Variants in TAF2 observed in about 807,000 individuals in gnomAD.
TAF2 encodes transcription initiation factor TFIID subunit 2.
A neutral mutation model predicts 138.5 loss-of-function variants in TAF2; 61 were observed. That is an observed-to-expected ratio of 0.44 (90% CI 0.36 to 0.54). The LOEUF (loss-of-function observed/expected upper bound fraction) is 0.54. TAF2 is among the 20% of genes least tolerant of loss of function. The pLI, the probability that TAF2 is intolerant of heterozygous loss-of-function variation, is 0.00. For missense variants in TAF2, 1,090 were observed against 1,427.9 expected (o/e 0.76, Z 3.81); for synonymous variants, 475 against 469.9 (o/e 1.01, Z -0.14).
intron 2 of TAF2, among the ~76,000 whole-genome samples, chr8:119,821,736 G>A (rs1825816386): frequency 6.6e-6 from 1 of 152,130 alleles, no homozygotes; most frequent in Admixed American, 6.5e-5. Context: ...TGGCCTATTA[G>A]TGTTATTATG....
intron 10 of TAF2, 161 bp from the exon 11 acceptor site, chr8:119,791,620 A>G: frequency 1.3e-6 from 1 of 767,674 alleles, no homozygotes; most frequent in Non-Finnish European, 2.0e-6. Context: ...TAACTAGAAG[A>G]AAATTATGAA....
intron 25 of TAF2, among the ~76,000 whole-genome samples, chr8:119,736,184 A>G (rs532678694): frequency 1.3e-5 from 2 of 152,354 alleles, no homozygotes; most frequent in East Asian, 3.9e-4. Context: ...AACCACTTCA[A>G]AAGTGAATCC....
intron 10 of TAF2, chr8:119,791,700 T>C (rs1187261530): frequency 9.3e-6 from 4 of 431,010 alleles, no homozygotes; most frequent in African/African-American, 2.0e-5. Flanking sequence ...GATGGGAAGA[T>C]ACAATACTGT....
In TAF2 at chr8:119,807,243, T is replaced by C. The variant is rs575841049; in HGVS notation, c.300-842A>G. On this transcript the variant is annotated intron_variant, in intron 3 of 25. Transcript: ENST00000378164. ...AGCAGGCTCACCGTTATATTCACTATGTCAGGAGAGACTACTACATAAATA... is the reference window on the plus strand; with the variant it reads ...AGCAGGCTCACCGTTATATTCACTACGTCAGGAGAGACTACTACATAAATA... Among the ~76,000 whole-genome samples, 5 of 152,344 alleles carry C rather than the reference T, an allele frequency of 3.3e-5. No homozygotes were observed. The East Asian group carries it at 7.7e-4, about 24-fold the overall frequency.
intron 18 of TAF2, among the ~76,000 whole-genome samples, chr8:119,776,347 CTTT>C (rs35600902): frequency 1.2e-4 from 16 of 134,544 alleles, no homozygotes; most frequent in African/African-American, 1.4e-4. Flanking sequence ...CATGCCTGTG[CTTT>C]TTTTTTTTTT....
At chr8:119,816,612 A>T (rs1825495592) in intron 3 of TAF2, among the ~76,000 whole-genome samples, 1 of 152,246 alleles carries the variant, frequency 6.6e-6, no homozygotes, top group Non-Finnish European at 1.5e-5. Flanking sequence ...TAACAGAAGC[A>T]TCTAGGAGCA....
intron 6 of TAF2, among the ~76,000 whole-genome samples, chr8:119,798,708 T>C (rs868553196): frequency 1.2e-4 from 18 of 152,304 alleles, no homozygotes; most frequent in Middle Eastern, 3.4e-3. Context: ...AAAGCCATGC[T>C]AAAGAGTTCT....
intron 18 of TAF2, among the ~76,000 whole-genome samples, chr8:119,765,172 T>C (rs1470165674): frequency 2.6e-5 from 4 of 152,166 alleles, no homozygotes; most frequent in Admixed American, 6.5e-5. Flanking sequence ...AGAAAGTGAC[T>C]GTGACACAGA....
intron 3 of TAF2, among the ~76,000 whole-genome samples, chr8:119,808,766 T>C (rs550172555): frequency 3.9e-5 from 6 of 152,224 alleles, no homozygotes; most frequent in Non-Finnish European, 7.3e-5. Context: ...TAACCAGGTG[T>C]CTTGTCAATA....
At chr8:119,806,189 A>G in intron 4 of TAF2, 94 bp downstream of exon 4, 2 of 1,081,540 alleles carry the variant, frequency 1.8e-6, no homozygotes, top group South Asian at 2.5e-5. Context: ...GGCATGAGGC[A>G]CAGTGCCTGC....
chr8:119,768,999 C>A (rs182567174), intron 18 of TAF2, among the ~76,000 whole-genome samples: 1 of 152,140 alleles, frequency 6.6e-6, no homozygotes, highest in African/African-American at 2.4e-5. Flanking sequence ...CACATTTCTG[C>A]CTGTCTAAGA....
chr8:119,802,848 GTTGCATGAGCCGAGA>G (rs984006058), intron 5 of TAF2, among the ~76,000 whole-genome samples: 12 of 152,120 alleles, frequency 7.9e-5, no homozygotes, highest in Non-Finnish European at 1.2e-4. Context: ...GAAGGTGGAG[GTTGCATGAGCCGAGA>G]TTGCATGAGC....
chr8:119,743,653 C>T (rs565850443), intron 24 of TAF2, among the ~76,000 whole-genome samples: 2 of 152,078 alleles, frequency 1.3e-5, no homozygotes, highest in Non-Finnish European at 2.9e-5. Flanking sequence ...AGACATGTAT[C>T]TCACAATATA....
chr8:119,735,373 A>G (rs932256531), intron 25 of TAF2, among the ~76,000 whole-genome samples: 2 of 152,178 alleles, frequency 1.3e-5, no homozygotes, highest in African/African-American at 2.4e-5. Context: ...ATGTCAGGTG[A>G]ACTTAGTCCA....
At chr8:119,822,087 C>T (rs931040079) in intron 2 of TAF2, among the ~76,000 whole-genome samples, 2 of 151,990 alleles carry the variant, frequency 1.3e-5, no homozygotes, top group Admixed American at 6.6e-5. Flanking sequence ...CTAGTATTTG[C>T]TTAATAAATG....
intron 11 of TAF2, among the ~76,000 whole-genome samples, chr8:119,790,903 C>A (rs1278577329): frequency 6.6e-6 from 1 of 152,068 alleles, no homozygotes; most frequent in Non-Finnish European, 1.5e-5. Flanking sequence ...CTCAAGCAAT[C>A]TTCCTGCCTC....
intron 18 of TAF2, among the ~76,000 whole-genome samples, chr8:119,770,190 A>T (rs1252368143): frequency 1.3e-5 from 2 of 152,128 alleles, no homozygotes; most frequent in African/African-American, 2.4e-5. Flanking sequence ...TATTTGAGGA[A>T]ATAATTCAGG....
chr8:119,803,691 GAAAA>G (rs142168455), intron 5 of TAF2, among the ~76,000 whole-genome samples, 183 bp downstream of exon 5: 5 of 132,350 alleles, frequency 3.8e-5, no homozygotes, highest in African/African-American at 1.1e-4. Context: ...AAGACTGTCT[GAAAA>G]AAAAAAAAGA....
intron 22 of TAF2, among the ~76,000 whole-genome samples, chr8:119,748,270 T>C (rs1820119161): frequency 6.6e-6 from 1 of 151,994 alleles, no homozygotes; most frequent in Non-Finnish European, 1.5e-5. Flanking sequence ...ATCATAAATA[T>C]TAAACTTTGT....
Sources: gnomAD v4.1 joint callset for allele counts (sites outside exome capture counted in the v4.1 genomes callset) on GRCh38, gnomAD v4.1.1 for gene constraint, MANE v1.5 for transcripts, NCBI Gene and HGNC (gene_info 2026-07-23, HGNC 2026-07-21) for gene names.